Variants in SNCAIP observed in about 807,000 individuals in gnomAD.
SNCAIP encodes the protein synphilin-1.
In SNCAIP, 43 loss-of-function variants were observed where a neutral mutation model predicts 86.7. The observed-to-expected ratio is 0.50, with a 90% CI of 0.39 to 0.64. The LOEUF (loss-of-function observed/expected upper bound fraction) is 0.64. Among genes scored for constraint, SNCAIP ranks in the 30% least tolerant of loss-of-function variants. The pLI is 0.00. For missense variants in SNCAIP, 981 were observed against 1,103.1 expected (o/e 0.89, Z 1.57); for synonymous variants, 417 against 427.2 (o/e 0.98, Z 0.29).
intron 1 of SNCAIP, among the ~76,000 whole-genome samples, chr5:122,325,955 T>G (rs893955700): frequency 1.3e-5 from 2 of 152,334 alleles, no homozygotes; most frequent in Admixed American, 1.3e-4. Context: ...AGTTACAATA[T>G]GTCTGGAAGA....
At chr5:122,349,756 C>T (rs939215312) in intron 1 of SNCAIP, among the ~76,000 whole-genome samples, 37 of 152,150 alleles carry the variant, frequency 2.4e-4, no homozygotes, top group African/African-American at 8.9e-4. Flanking sequence ...TGTTTCATCC[C>T]ATTGTGCATC....
chr5:122,358,875 A>T (rs1169575579), intron 1 of SNCAIP, among the ~76,000 whole-genome samples: 2 of 152,320 alleles, frequency 1.3e-5, no homozygotes, highest in Middle Eastern at 6.8e-3. Context: ...GTTGCTATGA[A>T]CTTTTGAACT....
intron 2 of SNCAIP, chr5:122,400,934 T>G: frequency 4.7e-6 from 7 of 1,486,356 alleles, no homozygotes; most frequent in Non-Finnish European, 6.3e-6. Context: ...AGATAGAAAA[T>G]GTAATGCTTC....
At chr5:122,413,450 C>A (rs377008253) in intron 3 of SNCAIP, among the ~76,000 whole-genome samples, 2 of 152,184 alleles carry the variant, frequency 1.3e-5, no homozygotes, top group East Asian at 1.9e-4. Flanking sequence ...TAAATGTCAC[C>A]TCCTTGATGA....
chr5:122,365,812 A>T (rs529077783), intron 1 of SNCAIP, among the ~76,000 whole-genome samples: 1 of 152,340 alleles, frequency 6.6e-6, no homozygotes, highest in African/African-American at 2.4e-5. Context: ...ATGGTGAACA[A>T]GCCAAAGGAT....
At chr5:122,388,285 C>T (rs1436210352) in intron 1 of SNCAIP, among the ~76,000 whole-genome samples, 1 of 151,622 alleles carries the variant, frequency 6.6e-6, no homozygotes, top group Non-Finnish European at 1.5e-5. Context: ...TTCTTTAACA[C>T]TGTTGGGGTC....
At chr5:122,406,562 A>G (rs941780699) in intron 3 of SNCAIP, among the ~76,000 whole-genome samples, 17 of 152,178 alleles carry the variant, frequency 1.1e-4, no homozygotes, top group African/African-American at 3.9e-4. Flanking sequence ...TGGATTTCTC[A>G]TGAATGGTTT....
At chr5:122,358,829 C>T (rs140382581) in intron 1 of SNCAIP, among the ~76,000 whole-genome samples, 1 of 152,268 alleles carries the variant, frequency 6.6e-6, no homozygotes, top group African/African-American at 2.4e-5. Flanking sequence ...AAGCAGCACC[C>T]TCTCGCTTGC....
chr5:122,380,276 T>C (rs1766410214), intron 1 of SNCAIP, among the ~76,000 whole-genome samples: 2 of 152,354 alleles, frequency 1.3e-5, no homozygotes, highest in Admixed American at 1.3e-4. Flanking sequence ...TGGGAGAGTG[T>C]ATGTGTCGAG....
intron 1 of SNCAIP, among the ~76,000 whole-genome samples, chr5:122,334,406 C>G (rs1756000911): frequency 6.6e-6 from 1 of 152,176 alleles, no homozygotes; most frequent in South Asian, 2.1e-4. Context: ...ACCATATTGC[C>G]TCTCTCAGAT....
chr5:122,383,327 C>T (rs1380553261), intron 1 of SNCAIP: 1 of 152,720 alleles, frequency 6.5e-6, no homozygotes, highest in African/African-American at 2.4e-5. Context: ...TCACCCCTTT[C>T]TTTGACTCGG....
chr5:122,422,909 A>G lies in SNCAIP; in HGVS notation c.172A>G (p.Thr58Ala), dbSNP rs760947500. 6 of 1,613,990 alleles carry G rather than the reference A, an allele frequency of 3.7e-6. No individual in the cohort carries two copies. Among genetic ancestry groups the G allele is most frequent in the East Asian group, 4.5e-5 (2 of 44,888 alleles). ...SWNCGISTLITNTQKPTGIAD... is the reference protein window; with the variant it reads ...SWNCGISTLIANTQKPTGIAD... ...GAATTGTGGCATCTCAACTCTTATT[A>G]CAAACACGCAAAAGCCCACAGGAAT... The change falls in exon 4 of 11, where the codon ACA becomes GCA. Residue 58 changes from threonine (T) to alanine (A), a missense_variant. Thr to Ala is a moderately conservative substitution (Grantham distance 58). Coordinates refer to ENST00000261368, the MANE Select transcript of SNCAIP (RefSeq NM_005460.4).
At chr5:122,399,337 A>G (rs1479600125) in intron 2 of SNCAIP, among the ~76,000 whole-genome samples, 1 of 152,190 alleles carries the variant, frequency 6.6e-6, no homozygotes, top group Admixed American at 6.5e-5. Flanking sequence ...AGCCCCAGAG[A>G]TATTAAATGA....
intron 5 of SNCAIP, among the ~76,000 whole-genome samples, chr5:122,430,756 G>A (rs1410178258): frequency 6.6e-6 from 1 of 151,610 alleles, no homozygotes; most frequent in African/African-American, 2.4e-5. Context: ...AAAATTATGA[G>A]GGTAAAAAAT....
chr5:122,421,544 T>C (rs1561724113), intron 3 of SNCAIP, among the ~76,000 whole-genome samples: 1 of 152,140 alleles, frequency 6.6e-6, no homozygotes, highest in Non-Finnish European at 1.5e-5. Flanking sequence ...TATACACCCA[T>C]CTCATGTTCT....
Position 122,425,349 on chromosome 5 carries a change from C to T in SNCAIP, c.1003-3C>T. The T allele has an allele frequency of 6.2e-7, 1 of 1,611,416 alleles. No individual in the cohort carries two copies. Among genetic ancestry groups the T allele is most frequent in the Non-Finnish European group, 8.5e-7 (1 of 1,177,462 alleles). ...GGGTTTTCTAATCTTACTATTTATA[C>T]AGCCACACCTAGCTGCAGACAATCT... On this transcript the variant is annotated splice_region_variant and splice_polypyrimidine_tract_variant and intron_variant, in intron 4 of 10. Transcript: ENST00000261368.
At chr5:122,388,859 T>G (rs1221612979) in intron 1 of SNCAIP, 1 of 152,230 alleles carries the variant, frequency 6.6e-6, no homozygotes, top group Non-Finnish European at 1.5e-5. Context: ...GGAGGCCTGC[T>G]GGGAAGTAGA....
intron 5 of SNCAIP, among the ~76,000 whole-genome samples, chr5:122,426,713 T>C (rs781459399): frequency 7.9e-5 from 12 of 152,108 alleles, no homozygotes; most frequent in Non-Finnish European, 1.5e-4. Context: ...GCAGCTATCA[T>C]GAAGAAAGAT....
chr5:122,388,392 T>C (rs915814474), intron 1 of SNCAIP, among the ~76,000 whole-genome samples: 2 of 152,208 alleles, frequency 1.3e-5, no homozygotes, highest in African/African-American at 4.8e-5. Flanking sequence ...GCCATGGGTC[T>C]GAAAGAAGGC....
Sources: allele counts gnomAD v4.1 joint callset (sites outside exome capture counted in the v4.1 genomes callset), GRCh38; gene constraint gnomAD v4.1.1; transcripts MANE v1.5; gene names NCBI Gene and HGNC (gene_info 2026-07-23, HGNC 2026-07-21).